Variants in AHDC1 observed in about 807,000 individuals in gnomAD.
AHDC1 encodes the protein transcription factor Gibbin.
A neutral mutation model predicts 87.9 loss-of-function variants in AHDC1; 7 were observed. That is an observed-to-expected ratio of 0.08 (90% CI 0.05 to 0.15). The LOEUF (loss-of-function observed/expected upper bound fraction) is 0.15. AHDC1 is among the 10% of genes least tolerant of loss of function. AHDC1 has a pLI of 1.00. For synonymous variants in AHDC1, 1,051 were observed against 1,006.8 expected, an observed-to-expected ratio of 1.04 and a Z score of -0.83; for missense variants, 1,841 against 2,253.2, an observed-to-expected ratio of 0.82 and a Z score of 3.70.
intron 8 of AHDC1, among the ~76,000 whole-genome samples, chr1:27,538,398 C>T (rs1445601542): frequency 1.0e-5 from 1 of 97,692 alleles, no homozygotes; most frequent in Admixed American, 9.2e-5. Flanking sequence ...GCAAGACTGT[C>T]TCAAAAAAAA....
In AHDC1 at chr1:27,552,152, G is replaced by A. The variant is rs1357035816; in HGVS notation, c.-37C>T. The A allele has an allele frequency of 2.7e-5, 39 of 1,435,584 alleles. No individual in the cohort carries two copies. Among genetic ancestry groups the A allele is most frequent in the South Asian group, 4.5e-5 (3 of 66,798 alleles). 88.9% of individuals were successfully genotyped at this position (1,435,584 alleles called of 1,614,324 possible). A position where few individuals can be genotyped will look rare whatever the true frequency, so the allele number is the denominator to read the frequency against. ...CCTCCGCAGGCCGCCGGGCGGGGCC[G>A]GGGCTGACATGAGGGTGCGAGAAGC... On this transcript the variant is annotated 5_prime_UTR_variant, in exon 8 of 9. Transcript: ENST00000673934.
rs948044699 is a variant in AHDC1, at chr1:27,561,084, C to T, written c.-628-2201G>A. ...AGCCTCCCTCCTCTGATCTGTCCCC[C>T]CTTTCCCTGTGGTTGGGTGGGCACA... On this transcript the variant is annotated intron_variant, in intron 3 of 8. Transcript: ENST00000673934. The surrounding 1 kb of genome is among the most constrained non-coding windows in gnomAD (Gnocchi z 4.2). Among the ~76,000 whole-genome samples, 1 of 152,196 alleles carries T rather than the reference C, an allele frequency of 6.6e-6. No individual in the cohort carries two copies. Among genetic ancestry groups the T allele is most frequent in the African/African-American group, 2.4e-5 (1 of 41,430 alleles).
At position 27,547,659 on chromosome 1, in the gene AHDC1, C is replaced by T; in HGVS notation, c.4457G>A (p.Gly1486Glu). The change falls in exon 8 of 9, where the codon GGG becomes GAG. Residue 1486 changes from glycine (G) to glutamate (E), a missense_variant. By Grantham distance (98) the Gly-to-Glu change is moderately conservative. Around this residue, in one of 13 missense-constraint regions of AHDC1, gnomAD observed 505 missense variants for 626.2 expected, o/e 0.81. Coordinates refer to ENST00000673934, the MANE Select transcript of AHDC1 (RefSeq NM_001371928.1). This position sits in a 1 kb window ranked among gnomAD's most constrained non-coding sequence, Gnocchi z 4.9. The part of the protein sequence containing the change: ...SPPYEGKVGT[G>E]LLADFLGRTE... ...CCTGCCCAGGAAGTCAGCCAGCAGCCCTGTACCCACCTTGCCTTCATAGGG... is the reference window on the plus strand; with the variant it reads ...CCTGCCCAGGAAGTCAGCCAGCAGCTCTGTACCCACCTTGCCTTCATAGGG... 6.3e-7 allele frequency: 1 copy of T among 1,596,522 alleles called. No homozygotes were observed. The highest frequency in any genetic ancestry group is 8.5e-7 in the Non-Finnish European group (1 of 1,171,508).
chr1:27,549,277 G>A lies in AHDC1; in HGVS notation c.2839C>T (p.Leu947=), dbSNP rs752125312. The A allele has an allele frequency of 1.1e-5, 17 of 1,603,710 alleles. No homozygotes were observed. The highest frequency in any genetic ancestry group is 1.4e-5 in the Non-Finnish European group (16 of 1,173,130). The change falls in exon 8 of 9, where the codon CTG becomes TTG. Residue 947 remains leucine (L), a synonymous_variant. Coordinates refer to ENST00000673934, the MANE Select transcript of AHDC1 (RefSeq NM_001371928.1). ...DCRAAETFPK[L]VPPPSAMARS... is the part of the protein sequence containing the mutation. ...GCCATGGCTGAGGGCGGGGGCACCA[G>A]CTTGGGGAAGGTCTCGGCTGCCCGG...
At chr1:27,537,037 C>T (rs2018672332) in intron 8 of AHDC1, among the ~76,000 whole-genome samples, 1 of 152,214 alleles carries the variant, frequency 6.6e-6, no homozygotes. Context: ...TTCCTCCTCC[C>T]ACTACCCTCC....
chr1:27,584,796 C>A (rs1324485500), intron 3 of AHDC1, among the ~76,000 whole-genome samples: 1 of 152,116 alleles, frequency 6.6e-6, no homozygotes, highest in African/African-American at 2.4e-5. Flanking sequence ...GCTAGGTCTC[C>A]CCTTCGGCCT....
At position 27,548,314 on chromosome 1, in the gene AHDC1, G is replaced by A. The variant is rs747470051; in HGVS notation, c.3802C>T (p.Pro1268Ser). ...SGYPSKRSTG[P>S]RQPRGGRGGG... ...CCCCGTCCACCTCGCGGCTGCCGGGGCCCAGTGCTCCGTTTGGATGGGTAG... is the reference window on the plus strand; with the variant it reads ...CCCCGTCCACCTCGCGGCTGCCGGGACCCAGTGCTCCGTTTGGATGGGTAG... Residue 1268 changes from proline (P) to serine (S), a missense_variant, in exon 8 of 9, where the codon CCC becomes TCC. By Grantham distance (74) the Pro-to-Ser change is moderately conservative (BLOSUM62 -1). Coordinates refer to ENST00000673934, the MANE Select transcript of AHDC1 (RefSeq NM_001371928.1). 1.2e-6 allele frequency: 2 copies of A among 1,606,512 alleles called. No individual in the cohort carries two copies. Among genetic ancestry groups the A allele is most frequent in the Non-Finnish European group, 1.7e-6 (2 of 1,175,322 alleles).
At chr1:27,576,075 C>T (rs867769938) in intron 3 of AHDC1, among the ~76,000 whole-genome samples, 119 of 152,260 alleles carry the variant, frequency 7.8e-4, no homozygotes, top group African/African-American at 2.7e-3. Flanking sequence ...CTCCAGGGCG[C>T]CCGCTACCTG....
intron 3 of AHDC1, among the ~76,000 whole-genome samples, chr1:27,571,553 C>G (rs1309940110): frequency 6.6e-6 from 1 of 152,016 alleles, no homozygotes; most frequent in Non-Finnish European, 1.5e-5. Flanking sequence ...GGGGTCAGGG[C>G]TGAGGGACAG....
intron 3 of AHDC1, among the ~76,000 whole-genome samples, chr1:27,567,772 G>A (rs1368237650): frequency 6.6e-6 from 1 of 152,164 alleles, no homozygotes; most frequent in Non-Finnish European, 1.5e-5. Context: ...GCTTGCAAAA[G>A]CCCTCCCAGC....
At position 27,549,899 on chromosome 1, in the gene AHDC1, C is replaced by T. The variant is rs747620441; in HGVS notation, c.2217G>A (p.Lys739=). 5 of 1,613,744 alleles carry T rather than the reference C, an allele frequency of 3.1e-6. No homozygotes were observed. In the South Asian group the frequency reaches 3.3e-5, roughly 11 times the overall value. The change falls in exon 8 of 9, where the codon AAG becomes AAA. Residue 739 remains lysine (K), a synonymous_variant. Transcript: ENST00000673934. The part of the protein sequence containing the change: ...GEVDAVTGKP[K]RKRRSRKNGT... The stretch of plus-strand genomic sequence containing the variant: ...CATTCTTCCGGGACCGTCTCTTGCG[C>T]TTTGGCTTCCCAGTCACAGCGTCTA...
At chr1:27,568,501 C>T (rs2020419028) in intron 3 of AHDC1, among the ~76,000 whole-genome samples, 1 of 152,162 alleles carries the variant, frequency 6.6e-6, no homozygotes, top group Non-Finnish European at 1.5e-5. Flanking sequence ...ACGGTCTCCC[C>T]GCCCCTTAGG....
rs1329989312 is a variant in AHDC1, at chr1:27,548,413, G to T, written c.3703C>A (p.Arg1235=). 2 of 1,610,674 alleles carry T rather than the reference G, an allele frequency of 1.2e-6. No individual in the cohort carries two copies. Among genetic ancestry groups the T allele is most frequent in the Non-Finnish European group, 1.7e-6 (2 of 1,177,456 alleles). ...FQSSSKPGRG[R]RKKVDLFEAS... ...TCGAACAGGTCCACCTTCTTCCGCCGTCCACGGCCCGGCTTGGAGCTACTC... is the reference window on the plus strand; with the variant it reads ...TCGAACAGGTCCACCTTCTTCCGCCTTCCACGGCCCGGCTTGGAGCTACTC... The change falls in exon 8 of 9, where the codon CGG becomes AGG. Residue 1235 remains arginine (R), a synonymous_variant. Coordinates refer to ENST00000673934, the MANE Select transcript of AHDC1 (RefSeq NM_001371928.1).
At chr1:27,591,716 C>T (rs1010740300) in intron 3 of AHDC1, among the ~76,000 whole-genome samples, 2 of 152,202 alleles carry the variant, frequency 1.3e-5, no homozygotes, top group Non-Finnish European at 2.9e-5. Flanking sequence ...GACATACAGA[C>T]CCGGATTAAT....
intron 8 of AHDC1, among the ~76,000 whole-genome samples, chr1:27,545,301 G>C (rs986797794): frequency 6.6e-6 from 1 of 152,058 alleles, no homozygotes; most frequent in Non-Finnish European, 1.5e-5. Context: ...CTGGCTTCTA[G>C]TGGGTGCTGG....
intron 5 of AHDC1, among the ~76,000 whole-genome samples, chr1:27,554,690 C>G (rs569693987): frequency 6.5e-4 from 99 of 152,308 alleles, no homozygotes; most frequent in African/African-American, 2.2e-3. Flanking sequence ...ATGTTTGGCT[C>G]TGACCTAGTA....
intron 3 of AHDC1, among the ~76,000 whole-genome samples, chr1:27,601,820 T>C (rs558606135): frequency 6.6e-6 from 1 of 152,246 alleles, no homozygotes; most frequent in South Asian, 2.1e-4. Flanking sequence ...CAAATGCCCC[T>C]GGCAGGACTC....
At chr1:27,569,816 G>A (rs767621435) in intron 3 of AHDC1, among the ~76,000 whole-genome samples, 1 of 152,058 alleles carries the variant, frequency 6.6e-6, no homozygotes, top group African/African-American at 2.4e-5. Context: ...TGACCCGACA[G>A]GCCTGGACCC....
chr1:27,546,116 G>C (rs1450148455), intron 8 of AHDC1, among the ~76,000 whole-genome samples: 1 of 152,194 alleles, frequency 6.6e-6, no homozygotes, highest in Admixed American at 6.5e-5. Context: ...AAACTCCCAG[G>C]AAGCTTCAGT....
Sources: allele counts gnomAD v4.1 joint callset (sites outside exome capture counted in the v4.1 genomes callset), GRCh38; gene constraint gnomAD v4.1.1; regional missense constraint gnomAD v4.1.1; non-coding constraint Gnocchi (gnomAD v3.1); transcripts MANE v1.5; gene names NCBI Gene and HGNC (gene_info 2026-07-23, HGNC 2026-07-21).